The following LINC00632 variants were observed in gnomAD, a reference collection of about 807,000 sequenced individuals.
LINC00632 encodes the protein ALDOA related specific transcript.
chrX:140,748,423 TTGATC>T (rs1159177311), intron 3 of LINC00632, among the ~76,000 whole-genome samples: 2 of 111,902 alleles, frequency 1.8e-5, no homozygotes, highest in Admixed American at 9.6e-5. Context: ...AGGTGAACAC[TTGATC>T]TGAGAGTGGT....
chrX:140,771,620 C>T (rs1400880114), intron 3 of LINC00632, among the ~76,000 whole-genome samples: 4,552 of 83,927 alleles, frequency 0.054, 311 homozygotes, highest in African/African-American at 0.2. Context: ...TATACACACA[C>T]ACACACACAC....
At chrX:140,757,898 A>G (rs1026464464) in intron 3 of LINC00632, among the ~76,000 whole-genome samples, 4 of 111,554 alleles carry the variant, frequency 3.6e-5, no homozygotes, top group African/African-American at 1.3e-4. Flanking sequence ...GGGATAAATT[A>G]TATCATGTGT....
exon 5 of LINC00632, among the ~76,000 whole-genome samples, chrX:140,789,860 G>C (rs1019862744): frequency 9.1e-6 from 1 of 109,999 alleles, no homozygotes; most frequent in Non-Finnish European, 1.9e-5. Context: ...CTTTTGTCTG[G>C]TGTATATTGC....
intron 3 of LINC00632, among the ~76,000 whole-genome samples, chrX:140,741,627 A>C (rs977332909): frequency 5.4e-5 from 6 of 111,743 alleles, no homozygotes; most frequent in African/African-American, 2.0e-4. Flanking sequence ...CCCAGAAGAG[A>C]ATTGTATTCA....
chrX:140,728,273 A>G (rs1427822512), intron 2 of LINC00632, among the ~76,000 whole-genome samples: 1 of 110,207 alleles, frequency 9.1e-6, no homozygotes, highest in Non-Finnish European at 1.9e-5. Context: ...AGAAAAAGAC[A>G]TGTTATCTTA....
exon 5 of LINC00632, among the ~76,000 whole-genome samples, chrX:140,789,038 C>A (rs1932067951): frequency 1.9e-5 from 2 of 107,683 alleles, no homozygotes; most frequent in South Asian, 7.9e-4. Flanking sequence ...ATATCCTTCT[C>A]CTAATCCTAT....
At chrX:140,773,191 AAAGAGAAGAGAAGAAAG>A (rs1421604897) in exon 4 of LINC00632, among the ~76,000 whole-genome samples, 1 of 106,620 alleles carries the variant, frequency 9.4e-6, no homozygotes, top group Non-Finnish European at 1.9e-5. Context: ...AGAGAAGAGA[AAAGAGAAGAGAAGAAAG>A]AAGAGAAGAG....
At position 140,719,977 on chromosome X, in the gene LINC00632, C is replaced by T. The variant is rs774193963; in HGVS notation, n.104+8321C>T. On this transcript the variant is annotated intron_variant and non_coding_transcript_variant, in intron 2 of 4. Transcript: ENST00000648200. The stretch of plus-strand genomic sequence containing the variant: ...GTGGCGGGCACCTGTAATCCCAGTA[C>T]TCAGGAGGTTGAGGCAGGAGAATCG... Among the ~76,000 whole-genome samples the T allele has an allele frequency of 3.7e-5, 4 of 108,875 alleles. No individual in the cohort carries two copies. The South Asian group carries it at 1.2e-3, about 34-fold the overall frequency. 94.5% of individuals were successfully genotyped at this position (108,875 alleles called of 115,157 possible).
At chrX:140,712,408 CT>C (rs61359627) in intron 2 of LINC00632, among the ~76,000 whole-genome samples, 38,112 of 84,264 alleles carry the variant, frequency 0.45, 7,565 homozygotes, top group Admixed American at 0.63. Flanking sequence ...CCTTCAACCT[CT>C]TTTTTTTTTT....
chrX:140,767,543 C>G (rs958364968), intron 3 of LINC00632, among the ~76,000 whole-genome samples: 1 of 111,895 alleles, frequency 8.9e-6, no homozygotes, highest in Non-Finnish European at 1.9e-5. Flanking sequence ...GCCTCTTAAA[C>G]ATTGGCTATG....
intron 3 of LINC00632, among the ~76,000 whole-genome samples, chrX:140,753,981 G>A (rs1602746882): frequency 9.1e-6 from 1 of 110,386 alleles, no homozygotes; most frequent in African/African-American, 3.3e-5. Context: ...TCACCATGTT[G>A]GCCAAGATGG....
chrX:140,723,409 AC>A (rs1298929820), intron 2 of LINC00632, among the ~76,000 whole-genome samples: 2 of 30,090 alleles, frequency 6.6e-5, no homozygotes, highest in African/African-American at 2.8e-4. Context: ...CATTCCATAC[AC>A]ACACATTCCA....
intron 3 of LINC00632, among the ~76,000 whole-genome samples, chrX:140,753,913 T>C (rs376001172): frequency 8.5e-4 from 93 of 108,908 alleles, no homozygotes; most frequent in Admixed American, 1.9e-3. Context: ...GTAGTTGGGA[T>C]TACAGGCGCA....
At chrX:140,778,805 T>C (rs1394938630) in exon 5 of LINC00632, among the ~76,000 whole-genome samples, 1 of 111,561 alleles carries the variant, frequency 9.0e-6, no homozygotes, top group African/African-American at 3.3e-5. Context: ...TTAGTTGTCA[T>C]AGAAATACTT....
intron 2 of LINC00632, among the ~76,000 whole-genome samples, chrX:140,712,392 G>T (rs1382178844): frequency 2.1e-5 from 2 of 94,982 alleles, no homozygotes; most frequent in African/African-American, 3.9e-5. Flanking sequence ...CGGGGTTAAA[G>T]TTCCTCCTTC....
chrX:140,730,022 G>A (rs1217219396), intron 2 of LINC00632, among the ~76,000 whole-genome samples: 33 of 108,811 alleles, frequency 3.0e-4, no homozygotes, highest in African/African-American at 1.1e-3. Context: ...GACTACAGGC[G>A]CACGCCACCG....
At chrX:140,734,099 A>T (rs1183029298) in intron 3 of LINC00632, 2 of 112,340 alleles carry the variant, frequency 1.8e-5, no homozygotes, top group Non-Finnish European at 3.8e-5. Context: ...AGAAATTTTT[A>T]AAAAGTCATA....
chrX:140,761,525 G>A (rs1015118144), intron 3 of LINC00632, among the ~76,000 whole-genome samples: 1 of 112,399 alleles, frequency 8.9e-6, no homozygotes, highest in African/African-American at 3.2e-5. Context: ...CTAAGCAAAC[G>A]TTGTTTTGTA....
chrX:140,756,310 C>T (rs1931492825), intron 3 of LINC00632, among the ~76,000 whole-genome samples: 1 of 112,188 alleles, frequency 8.9e-6, no homozygotes, highest in African/African-American at 3.2e-5. Flanking sequence ...AACTGGAAAC[C>T]TCTTGTACTT....
Sources: allele counts gnomAD v4.1 joint callset (sites outside exome capture counted in the v4.1 genomes callset), GRCh38; gene constraint gnomAD v4.1.1; transcripts MANE v1.5; gene names NCBI Gene and HGNC (gene_info 2026-07-23, HGNC 2026-07-21).